The following SBSPON variants were observed in gnomAD, a reference collection of about 807,000 sequenced individuals.
The protein encoded by SBSPON is somatomedin-B and thrombospondin type-1 domain-containing protein.
SBSPON carries 30 observed loss-of-function variants against 35.8 expected under a neutral mutation model. The observed-to-expected ratio is 0.84, with a 90% CI of 0.63 to 1.14. SBSPON has a LOEUF of 1.14. SBSPON is among the 50% of genes most tolerant of loss of function. SBSPON has a pLI of 0.00. For missense variants in SBSPON, 364 were observed against 357.7 expected (o/e 1.02, Z -0.14); for synonymous variants, 136 against 135.9 (o/e 1.00, Z 0.00).
intron 2 of SBSPON, among the ~76,000 whole-genome samples, chr8:73,079,219 T>C (rs536650282): frequency 6.6e-6 from 1 of 152,120 alleles, no homozygotes; most frequent in Non-Finnish European, 1.5e-5. Flanking sequence ...GACCCCAAGA[T>C]GCTGCTGCCC....
Position 73,092,841 on chromosome 8 carries a change from C to A in SBSPON, c.214+13G>T, listed in dbSNP as rs752506173. Reference sequence around the variant, plus strand: ...CTAACGGCCGGCGCCCCACTCTCGGCCTGACCACCCACCTGGGCACGCCCT... The same window carrying A: ...CTAACGGCCGGCGCCCCACTCTCGGACTGACCACCCACCTGGGCACGCCCT... On this transcript the variant is annotated intron_variant, in intron 1 of 4. Coordinates refer to ENST00000297354, the MANE Select transcript of SBSPON (RefSeq NM_153225.4). 1.2e-6 allele frequency: 2 copies of A among 1,606,328 alleles called. No individual in the cohort carries two copies. The highest frequency in any genetic ancestry group is 1.1e-5 in the South Asian group (1 of 90,242).
intron 4 of SBSPON, among the ~76,000 whole-genome samples, chr8:73,068,549 T>A (rs1810434991): frequency 6.6e-6 from 1 of 152,238 alleles, no homozygotes; most frequent in Non-Finnish European, 1.5e-5. Context: ...TTTAGTTTTG[T>A]ATAGTGTTAT....
intron 3 of SBSPON, among the ~76,000 whole-genome samples, chr8:73,071,023 A>G (rs953371731): frequency 6.6e-6 from 1 of 152,168 alleles, no homozygotes. Flanking sequence ...TTTTTAAAAA[A>G]GTATTTATTT....
intron 2 of SBSPON, among the ~76,000 whole-genome samples, chr8:73,074,995 C>G (rs1004674887): frequency 5.3e-5 from 8 of 152,174 alleles, no homozygotes; most frequent in Non-Finnish European, 8.8e-5. Flanking sequence ...AAGCAAGGAC[C>G]CAGCACAGAA....
chr8:73,089,922 G>T (rs537050929), intron 1 of SBSPON, among the ~76,000 whole-genome samples: 8 of 152,300 alleles, frequency 5.3e-5, no homozygotes, highest in Non-Finnish European at 2.9e-5. Flanking sequence ...GGCCCAGGCT[G>T]AAGTGCAGTG....
intron 1 of SBSPON, among the ~76,000 whole-genome samples, chr8:73,092,518 G>T (rs1748217133): frequency 6.6e-6 from 1 of 152,278 alleles, no homozygotes; most frequent in African/African-American, 2.4e-5. Context: ...CATCTCTGCC[G>T]GCCAGAGGTG....
At chr8:73,079,003 T>C (rs1334865245) in intron 2 of SBSPON, among the ~76,000 whole-genome samples, 1 of 152,122 alleles carries the variant, frequency 6.6e-6, no homozygotes, top group Non-Finnish European at 1.5e-5. Flanking sequence ...CCATGTTACA[T>C]AAAAGAGCCA....
At chr8:73,090,922 G>T (rs896182791) in intron 1 of SBSPON, among the ~76,000 whole-genome samples, 2 of 152,090 alleles carry the variant, frequency 1.3e-5, no homozygotes, top group East Asian at 1.9e-4. Context: ...CTATTCTACC[G>T]CCTAGACTGA....
rs536076900 is a variant in SBSPON, at chr8:73,074,569, G to A, written c.410-2699C>T. 1.0e-4 allele frequency: 102 copies of A among 984,272 alleles called. No homozygotes were observed. The African/African-American group carries it at 1.7e-3, about 16-fold the overall frequency. 61.0% of individuals were successfully genotyped at this position (984,272 alleles called of 1,614,324 possible). Reference sequence around the variant, plus strand: ...CGTCTCCGAAATCAAACTCCTCAGGGCGGCACTCCACTGCCTCTGTAATAA... The same window carrying A: ...CGTCTCCGAAATCAAACTCCTCAGGACGGCACTCCACTGCCTCTGTAATAA... On this transcript the variant is annotated intron_variant, in intron 2 of 4. Coordinates refer to ENST00000297354, the MANE Select transcript of SBSPON (RefSeq NM_153225.4).
rs1810373676 is a variant in SBSPON, at chr8:73,065,603, GTC to G, written c.*1736_*1737del. 6.6e-6 allele frequency: 1 copy of G among 150,906 alleles called. No individual in the cohort carries two copies. The highest frequency in any genetic ancestry group is 2.1e-4 in the South Asian group (1 of 4,788). The allele number at this position is 150,906 out of a possible 1,614,324, so 9.3% of individuals were successfully genotyped here. A position where few individuals can be genotyped will look rare whatever the true frequency, so the allele number is the denominator to read the frequency against. ...ACCCTGGCTAACACAGTGAAACCCT[GTC>G]TCTACTAAAAAAAAAAAACAAAAAA... On this transcript the variant is annotated 3_prime_UTR_variant, in exon 5 of 5. Coordinates refer to ENST00000297354, the MANE Select transcript of SBSPON (RefSeq NM_153225.4).
intron 1 of SBSPON, among the ~76,000 whole-genome samples, chr8:73,081,711 C>A (rs930591284): frequency 3.3e-5 from 5 of 152,118 alleles, no homozygotes; most frequent in Non-Finnish European, 7.3e-5. Context: ...CAGGTCAATT[C>A]TTCTCAGCAA....
Position 73,092,994 on chromosome 8 carries a change from G to T in SBSPON, c.74C>A (p.Ala25Asp). The T allele has an allele frequency of 6.6e-7, 1 of 1,526,434 alleles. No individual in the cohort carries two copies. Among genetic ancestry groups the T allele is most frequent in the African/African-American group, 1.4e-5 (1 of 69,606 alleles). The allele number at this position is 1,526,434 out of a possible 1,614,324, so 94.6% of individuals were successfully genotyped here. ...WPGAQAGCAE[A>D]GRCCPGRDPA... ...GTCCCGGCCGGGACAGCAGCGCCCG[G>T]CCTCGGCGCAGCCGGCCTGGGCCCC... Residue 25 changes from alanine to aspartate, a missense_variant, in exon 1 of 5, where the codon GCC becomes GAC. Coordinates refer to ENST00000297354, the MANE Select transcript of SBSPON (RefSeq NM_153225.4).
rs1226538885 is a variant in SBSPON at position 73,065,648 on chromosome 8, CGGCGCCTGT to C, written c.*1684_*1692del. The stretch of plus-strand genomic sequence containing the variant: ...ACAAAAAATTAGCCAGGCGTGATGA[CGGCGCCTGT>C]AGTCCCAGCTACTTGGGAGGCTGAG... On this transcript the variant is annotated 3_prime_UTR_variant, in exon 5 of 5. Coordinates refer to ENST00000297354, the MANE Select transcript of SBSPON (RefSeq NM_153225.4). 4 of 151,158 alleles carry C rather than the reference CGGCGCCTGT, an allele frequency of 2.6e-5. No individual in the cohort carries two copies. Among genetic ancestry groups the C allele is most frequent in the Non-Finnish European group, 5.9e-5 (4 of 67,918 alleles). The allele number at this position is 151,158 out of a possible 1,614,324, so 9.4% of individuals were successfully genotyped here.
At chr8:73,073,730 G>A (rs1238842362) in intron 2 of SBSPON, among the ~76,000 whole-genome samples, 1 of 149,772 alleles carries the variant, frequency 6.7e-6, no homozygotes, top group Non-Finnish European at 1.5e-5. Flanking sequence ...CTTGAACCCA[G>A]GAGGTGGGGG....
Position 73,067,386 on chromosome 8 carries a change from T to C in SBSPON, c.750A>G (p.Val250=). The change falls in exon 5 of 5, where the codon GTA becomes GTG. Residue 250 remains valine (V), a synonymous_variant. Transcript: ENST00000297354. ...GAACAGCTGGACAAGAACACTGGTC[T>C]ACTCGCCGAACTTTTTTCCAAGTTC... The part of the protein sequence containing the change: ...CQGTWKKVRR[V]DQCSCPAVHS... The C allele has an allele frequency of 6.2e-7, 1 of 1,611,452 alleles. No homozygotes were observed. The highest frequency in any genetic ancestry group is 8.5e-7 in the Non-Finnish European group (1 of 1,178,018).
At chr8:73,075,885 C>G in intron 2 of SBSPON, 1 of 224,114 alleles carries the variant, frequency 4.5e-6, no homozygotes, top group Non-Finnish European at 7.5e-6. Flanking sequence ...GCAACACATT[C>G]AGTAATGTGG....
rs1430957560 is a variant in SBSPON at position 73,069,819 on chromosome 8, G to A, written c.663C>T (p.Gly221=). 1 of 1,613,504 alleles carries A rather than the reference G, an allele frequency of 6.2e-7. No homozygotes were observed. The highest frequency in any genetic ancestry group is 8.5e-7 in the Non-Finnish European group (1 of 1,179,536). Reference sequence around the variant, plus strand: ...TCCATTCTTACCCATCGGAGTCCAGGCCATCTCCAGAACAACGAAGGCTCA... The same window carrying A: ...TCCATTCTTACCCATCGGAGTCCAGACCATCTCCAGAACAACGAAGGCTCA... The part of the protein sequence containing the change: ...NSVSLRCSGD[G]LDSDGNQTLH... The change falls in exon 4 of 5, where the codon GGC becomes GGT. Residue 221 remains glycine (G), a synonymous_variant. Transcript: ENST00000297354.
chr8:73,076,454 T>C (rs1386523467), intron 2 of SBSPON, among the ~76,000 whole-genome samples: 1 of 152,024 alleles, frequency 6.6e-6, no homozygotes. Context: ...TGGTCAGAAC[T>C]TGGCCAGCAG....
At chr8:73,076,519 CGCCTGTAATCCCA>C (rs1810597681) in intron 2 of SBSPON, among the ~76,000 whole-genome samples, 1 of 151,782 alleles carries the variant, frequency 6.6e-6, no homozygotes, top group African/African-American at 2.4e-5. Context: ...TGTTGGTGCG[CGCCTGTAATCCCA>C]GCTACTCGGG....
Sources: allele counts gnomAD v4.1 joint callset (sites outside exome capture counted in the v4.1 genomes callset), GRCh38; gene constraint gnomAD v4.1.1; transcripts MANE v1.5; gene names NCBI Gene and HGNC (gene_info 2026-07-23, HGNC 2026-07-21).